The following SLC31A1 variants were observed in gnomAD, a reference collection of about 807,000 sequenced individuals.
SLC31A1 encodes high affinity copper uptake protein 1.
SLC31A1 carries 5 observed loss-of-function variants against 17.2 expected under a neutral mutation model. The ratio of observed to expected loss-of-function variants is 0.29; its 90% CI spans 0.15 to 0.61. SLC31A1 has a LOEUF of 0.61. SLC31A1 is among the 20% of genes least tolerant of loss of function. The pLI is 0.86. For missense variants in SLC31A1, 161 were observed against 241.4 expected, an observed-to-expected ratio of 0.67 and a Z score of 2.21; for synonymous variants, 76 against 78.8, an observed-to-expected ratio of 0.96 and a Z score of 0.19.
At chr9:113,253,825 G>C (rs372313037) in intron 1 of SLC31A1, among the ~76,000 whole-genome samples, 132 of 152,108 alleles carry the variant, frequency 8.7e-4, no homozygotes, top group African/African-American at 3.1e-3. Context: ...CCTACCTGAT[G>C]CTTTGCCTTA....
At chr9:113,234,200 C>CT (rs879470601) in intron 1 of SLC31A1, among the ~76,000 whole-genome samples, 34 of 147,346 alleles carry the variant, frequency 2.3e-4, no homozygotes, top group South Asian at 4.3e-4. Context: ...TTTTGTTTGA[C>CT]TTTTTTTTTT....
intron 1 of SLC31A1, among the ~76,000 whole-genome samples, chr9:113,247,211 G>C (rs573870615): frequency 7.9e-5 from 12 of 152,176 alleles, no homozygotes; most frequent in Non-Finnish European, 1.8e-4. Flanking sequence ...AAACTAGATA[G>C]ATTTCTCTTT....
intron 4 of SLC31A1, among the ~76,000 whole-genome samples, chr9:113,259,743 C>T (rs150126561): frequency 0.029 from 4,464 of 152,132 alleles, 86 homozygotes; most frequent in African/African-American, 0.036. Context: ...AGCCACCACA[C>T]CCAGCTAATT....
chr9:113,227,900 T>A (rs776078926), intron 1 of SLC31A1, among the ~76,000 whole-genome samples: 5 of 152,250 alleles, frequency 3.3e-5, no homozygotes, highest in Admixed American at 6.5e-5. Context: ...AAAGGCTGTA[T>A]ACTTCAAGAA....
In SLC31A1 at chr9:113,256,124, T is replaced by A; in HGVS notation, c.-25T>A. The A allele has an allele frequency of 6.2e-7, 1 of 1,610,692 alleles. No individual in the cohort carries two copies. Among genetic ancestry groups the A allele is most frequent in the South Asian group, 1.1e-5 (1 of 90,964 alleles). ...TCTTTCTCTTAAAAGAATCTTCTGC[T>A]GACTCTCAACTTTTCCTGGAAAAAA... On this transcript the variant is annotated 5_prime_UTR_variant, in exon 2 of 5. Transcript: ENST00000374212.
chr9:113,248,092 G>GC (rs1831603077), intron 1 of SLC31A1, among the ~76,000 whole-genome samples: 1 of 152,170 alleles, frequency 6.6e-6, no homozygotes, highest in Admixed American at 6.5e-5. Context: ...GCTGAGGCAG[G>GC]CAGATCACCT....
intron 1 of SLC31A1, among the ~76,000 whole-genome samples, chr9:113,248,207 C>A (rs771319054): frequency 6.6e-6 from 1 of 151,888 alleles, no homozygotes; most frequent in African/African-American, 2.4e-5. Flanking sequence ...ACCTGTAGTC[C>A]CGGCTACTTG....
rs540333576 is a variant in SLC31A1, at chr9:113,260,722, A to G, written c.*249A>G. On this transcript the variant is annotated 3_prime_UTR_variant, in exon 5 of 5. Coordinates refer to ENST00000374212, the MANE Select transcript of SLC31A1 (RefSeq NM_001859.4). ...CATTTCTCTTAAGGAGAAGCCACCCATGAGATGTCTTTTCCTTCTCCATCA... is the reference window on the plus strand; with the variant it reads ...CATTTCTCTTAAGGAGAAGCCACCCGTGAGATGTCTTTTCCTTCTCCATCA... 16 of 523,052 alleles carry G rather than the reference A, an allele frequency of 3.1e-5. No homozygotes were observed. The African/African-American group carries it at 3.1e-4, about 10-fold the overall frequency. 32.4% of individuals were successfully genotyped at this position (523,052 alleles called of 1,614,324 possible). A position where few individuals can be genotyped will look rare whatever the true frequency, so the allele number is the denominator to read the frequency against.
At chr9:113,256,318 C>G (rs760969070) in intron 2 of SLC31A1, 41 bp downstream of exon 2, 25 of 1,608,566 alleles carry the variant, frequency 1.6e-5, no homozygotes, top group Non-Finnish European at 2.0e-5. Flanking sequence ...CTTTCCCACC[C>G]ACTTGGGTAA....
intron 1 of SLC31A1, among the ~76,000 whole-genome samples, chr9:113,234,125 C>G (rs1335369006): frequency 6.6e-6 from 1 of 152,160 alleles, no homozygotes; most frequent in Non-Finnish European, 1.5e-5. Context: ...CTGTTCTACT[C>G]TCTACCTCCG....
At chr9:113,251,938 G>A (rs932366352) in intron 1 of SLC31A1, among the ~76,000 whole-genome samples, 1 of 152,134 alleles carries the variant, frequency 6.6e-6, no homozygotes, top group African/African-American at 2.4e-5. Context: ...GCCTTGCATA[G>A]GATTCCATTA....
intron 1 of SLC31A1, among the ~76,000 whole-genome samples, chr9:113,240,567 G>A (rs1026253425): frequency 6.6e-6 from 1 of 152,092 alleles, no homozygotes; most frequent in Non-Finnish European, 1.5e-5. Flanking sequence ...GAATGAGTTA[G>A]ATTATAAATC....
In SLC31A1 at chr9:113,261,268, A is replaced by G. The variant is rs1158952862; in HGVS notation, c.*795A>G. On this transcript the variant is annotated 3_prime_UTR_variant, in exon 5 of 5. Transcript: ENST00000374212. The stretch of plus-strand genomic sequence containing the variant: ...CAAGAGTGAAACTCCATCTCAAAAA[A>G]AAAGAAAAGAAGGTCCAGCTTTTGG... 6.6e-6 allele frequency: 1 copy of G among 152,634 alleles called. No homozygotes were observed. The highest frequency in any genetic ancestry group is 1.5e-5 in the Non-Finnish European group (1 of 68,434). The allele number at this position is 152,634 out of a possible 1,614,324, so 9.5% of individuals were successfully genotyped here.
intron 1 of SLC31A1, among the ~76,000 whole-genome samples, chr9:113,227,861 C>G (rs1215063253): frequency 6.6e-6 from 1 of 152,190 alleles, no homozygotes; most frequent in East Asian, 1.9e-4. Flanking sequence ...ATTTGTCTGA[C>G]TAGCTAGTTT....
At position 113,232,621 on chromosome 9, in the gene SLC31A1, C is replaced by A. The variant is rs1813251201; in HGVS notation, c.-36+10943C>A. Reference sequence around the variant, plus strand: ...CTAAGGCGTGTGGATCACCTGAGGTCAGGAGTTTGAGACCAGCCTGGCCAA... The same window carrying A: ...CTAAGGCGTGTGGATCACCTGAGGTAAGGAGTTTGAGACCAGCCTGGCCAA... On this transcript the variant is annotated intron_variant, in intron 1 of 4. Transcript: ENST00000374212. 4.7e-5 allele frequency among the ~76,000 whole-genome samples: 7 copies of A among 149,478 alleles called. No individual in the cohort carries two copies. In the Admixed American group the frequency reaches 4.7e-4, roughly 10 times the overall value.
chr9:113,232,643 C>A lies in SLC31A1; in HGVS notation c.-36+10965C>A, dbSNP rs1831413012. On this transcript the variant is annotated intron_variant, in intron 1 of 4. Coordinates refer to ENST00000374212, the MANE Select transcript of SLC31A1 (RefSeq NM_001859.4). ...GGTCAGGAGTTTGAGACCAGCCTGG[C>A]CAACATGGTGAAACCCCATCTCTAC... Among the ~76,000 whole-genome samples the A allele has an allele frequency of 2.0e-5, 3 of 149,748 alleles. No homozygotes were observed. The Admixed American group carries it at 2.0e-4, about 10-fold the overall frequency.
At chr9:113,226,778 T>C (rs1344470114) in intron 1 of SLC31A1, among the ~76,000 whole-genome samples, 1 of 152,186 alleles carries the variant, frequency 6.6e-6, no homozygotes, top group Admixed American at 6.6e-5. Flanking sequence ...AGGTGACATA[T>C]TTCCCTAGAT....
At chr9:113,237,728 A>T (rs187717219) in intron 1 of SLC31A1, among the ~76,000 whole-genome samples, 2 of 152,294 alleles carry the variant, frequency 1.3e-5, no homozygotes, top group East Asian at 3.9e-4. Flanking sequence ...ATCTAGGCCT[A>T]TTCTTTTAAG....
intron 1 of SLC31A1, among the ~76,000 whole-genome samples, chr9:113,232,366 G>A (rs541105441): frequency 1.6e-4 from 25 of 152,194 alleles, no homozygotes; most frequent in African/African-American, 5.8e-4. Context: ...TCAGAAAACA[G>A]GGAGAAAGAA....
Sources: gnomAD v4.1 joint callset for allele counts (sites outside exome capture counted in the v4.1 genomes callset) on GRCh38, gnomAD v4.1.1 for gene constraint, MANE v1.5 for transcripts, NCBI Gene and HGNC (gene_info 2026-07-23, HGNC 2026-07-21) for gene names.